Variants in PTPRN2 observed in about 807,000 individuals in gnomAD.
The protein encoded by PTPRN2 is protein tyrosine phosphatase receptor type N2.
PTPRN2 carries 74 observed loss-of-function variants against 118.8 expected under a neutral mutation model. That is an observed-to-expected ratio of 0.62 (90% confidence interval 0.52 to 0.76). PTPRN2 has a LOEUF of 0.76. PTPRN2 is among the 30% of genes least tolerant of loss of function. The probability of loss-of-function intolerance (pLI) is 0.00; values close to 1 mark genes in which losing one functional copy is unlikely to be tolerated. For missense variants in PTPRN2, 1,481 were observed against 1,394.4 expected (o/e 1.06, Z -0.99); for synonymous variants, 641 against 608.0 (o/e 1.05, Z -0.80).
At chr7:158,167,654 A>G in intron 5 of PTPRN2, among the ~76,000 whole-genome samples, 1 of 152,240 alleles carries the variant, frequency 6.6e-6, no homozygotes, top group East Asian at 1.9e-4. Flanking sequence ...GAGACTTTGC[A>G]GTGTTCCCAT....
chr7:158,177,111 A>G (rs1311772210), intron 5 of PTPRN2, among the ~76,000 whole-genome samples: 1 of 152,206 alleles, frequency 6.6e-6, no homozygotes, highest in East Asian at 1.9e-4. Flanking sequence ...CCTCTTGGAT[A>G]GACATCCAGA....
chr7:157,684,349 A>AGGGAGGCTTT (rs1797059124), intron 12 of PTPRN2, among the ~76,000 whole-genome samples: 1 of 132,192 alleles, frequency 7.6e-6, no homozygotes, highest in Admixed American at 7.7e-5. Context: ...GCGGAGAGGG[A>AGGGAGGCTTT]GGGAGGCTTT....
intron 13 of PTPRN2, among the ~76,000 whole-genome samples, chr7:157,656,938 C>CA (rs1806169649): frequency 7.8e-6 from 1 of 128,050 alleles, no homozygotes; most frequent in Non-Finnish European, 1.6e-5. Context: ...CACACACACA[C>CA]CACACACATC....
intron 11 of PTPRN2, among the ~76,000 whole-genome samples, chr7:157,998,830 A>C (rs1430187369): frequency 5.3e-5 from 8 of 151,976 alleles, no homozygotes; most frequent in South Asian, 4.2e-4. Context: ...AAAAAAAAAA[A>C]AAAAAAACTC....
chr7:157,551,939 C>G (rs1385183730), intron 21 of PTPRN2, among the ~76,000 whole-genome samples: 1 of 147,484 alleles, frequency 6.8e-6, no homozygotes, highest in Non-Finnish European at 1.5e-5. Flanking sequence ...ACGCACCCCA[C>G]AGCCACCACA....
At chr7:158,299,676 C>A (rs1266760718) in intron 3 of PTPRN2, among the ~76,000 whole-genome samples, 4 of 152,162 alleles carry the variant, frequency 2.6e-5, no homozygotes, top group African/African-American at 9.7e-5. Flanking sequence ...GAGCTTCTCA[C>A]CTCTCTGACA....
rs1332638889 is a variant in PTPRN2, at chr7:157,787,354, G to C, written c.1789-104417C>G. Among the ~76,000 whole-genome samples the C allele has an allele frequency of 6.6e-6, 1 of 152,182 alleles. No homozygotes were observed. The highest frequency in any genetic ancestry group is 1.5e-5 in the Non-Finnish European group (1 of 68,012). On this transcript the variant is annotated intron_variant, in intron 12 of 22. Transcript: ENST00000389418. The surrounding 1 kb of genome is among the most constrained non-coding windows in gnomAD (Gnocchi z 5.3). ...CCCACCTTGATGGAAACTGCGACAG[G>C]AGGGGGTCTGGCCTCTGCTGGGAGT...
intron 2 of PTPRN2, among the ~76,000 whole-genome samples, chr7:158,340,336 C>G (rs1463662936): frequency 2.9e-5 from 3 of 103,040 alleles, no homozygotes; most frequent in African/African-American, 3.5e-5. Context: ...CACACCCACA[C>G]TGTCACCATA....
chr7:157,928,004 G>A (rs1256419376), intron 11 of PTPRN2, among the ~76,000 whole-genome samples: 1 of 152,168 alleles, frequency 6.6e-6, no homozygotes, highest in Non-Finnish European at 1.5e-5. Flanking sequence ...AGCTCTGTGG[G>A]CAATGGACAC....
intron 3 of PTPRN2, among the ~76,000 whole-genome samples, chr7:158,232,623 T>G (rs1330800579): frequency 1.3e-5 from 2 of 148,582 alleles, no homozygotes; most frequent in African/African-American, 2.5e-5. Flanking sequence ...AACCAAAAGC[T>G]GAAAAGACAA....
intron 3 of PTPRN2, among the ~76,000 whole-genome samples, chr7:158,210,284 C>T (rs901782998): frequency 2.6e-5 from 4 of 151,814 alleles, no homozygotes; most frequent in Admixed American, 6.6e-5. Context: ...TACAGGCGCC[C>T]GCTACCACGC....
At chr7:157,669,415 GT>G (rs1796295935) in intron 13 of PTPRN2, 1 of 422,286 alleles carries the variant, frequency 2.4e-6, no homozygotes, top group African/African-American at 2.2e-5. Flanking sequence ...CCACACACGT[GT>G]TTGCACGCGC....
chr7:157,558,252 C>T (rs1018343057), intron 21 of PTPRN2, among the ~76,000 whole-genome samples: 9 of 152,162 alleles, frequency 5.9e-5, no homozygotes, highest in East Asian at 5.8e-4. Flanking sequence ...GGGGCAGGAC[C>T]GAGATGCAAA....
intron 4 of PTPRN2, among the ~76,000 whole-genome samples, chr7:158,203,269 G>GAAAGA (rs1826800395): frequency 6.9e-6 from 1 of 145,608 alleles, no homozygotes; most frequent in Non-Finnish European, 1.5e-5. Flanking sequence ...AAAGAAAGAG[G>GAAAGA]AAAGAAAAAG....
chr7:158,188,184 CGCG>C (rs1825355000), intron 5 of PTPRN2, among the ~76,000 whole-genome samples: 2 of 117,750 alleles, frequency 1.7e-5, no homozygotes, highest in East Asian at 3.3e-4. Context: ...ACGCTCGCCC[CGCG>C]ATGGGGAAGG....
chr7:158,523,726 G>A (rs1321809701), intron 1 of PTPRN2, among the ~76,000 whole-genome samples: 4 of 103,030 alleles, frequency 3.9e-5, no homozygotes, highest in Non-Finnish European at 5.8e-5. Context: ...AGTGGAGTCT[G>A]CCCTGGAGTG....
chr7:158,513,291 T>G (rs1395506228), intron 1 of PTPRN2, among the ~76,000 whole-genome samples: 1 of 152,070 alleles, frequency 6.6e-6, no homozygotes, highest in Non-Finnish European at 1.5e-5. Flanking sequence ...CCAGGCCTCC[T>G]CAAAACTGTC....
rs184947437 is a variant in PTPRN2, at chr7:158,266,910, C to T, written c.277+49909G>A. Among the ~76,000 whole-genome samples, 8 of 152,318 alleles carry T rather than the reference C, an allele frequency of 5.3e-5. No individual in the cohort carries two copies. In the East Asian group the frequency reaches 7.7e-4, roughly 15 times the overall value. On this transcript the variant is annotated intron_variant, in intron 3 of 22. Coordinates refer to ENST00000389418, the MANE Select transcript of PTPRN2 (RefSeq NM_002847.5). ...GGTGGTTCAGATGCCGCTGTGGGGC[C>T]GGCCTTCAGGGGTGGTGGGGTGGCC... is the stretch of plus-strand genomic sequence containing the variant.
At position 158,132,215 on chromosome 7, in the gene PTPRN2, C is replaced by A. The variant is rs117149955; in HGVS notation, c.1556+1462G>T. ...ACGCACAGATACACACAACGAAATA[C>A]CCGAACAGATGCACATCATACGGAT... is the stretch of plus-strand genomic sequence containing the variant. On this transcript the variant is annotated intron_variant, in intron 9 of 22. Transcript: ENST00000389418. Among the ~76,000 whole-genome samples, 137 of 151,304 alleles carry A rather than the reference C, an allele frequency of 9.1e-4. 1 individual carries two copies. The East Asian group carries it at 0.025, about 28-fold the overall frequency.
Sources: allele counts gnomAD v4.1 joint callset (sites outside exome capture counted in the v4.1 genomes callset), GRCh38; gene constraint gnomAD v4.1.1; non-coding constraint Gnocchi (gnomAD v3.1); transcripts MANE v1.5; gene names NCBI Gene and HGNC (gene_info 2026-07-23, HGNC 2026-07-21).